Variants in TRPM1 observed in about 807,000 individuals in gnomAD.
TRPM1 encodes transient receptor potential cation channel subfamily M member 1, also known as TRPM1-203 APA Isoform, Intron 10.
TRPM1 carries 113 observed loss-of-function variants against 149.4 expected under a neutral mutation model. That is an observed-to-expected ratio of 0.76 (90% CI 0.65 to 0.88). The LOEUF is 0.88. TRPM1 is among the 40% of genes least tolerant of loss of function. The pLI, the probability that TRPM1 is intolerant of heterozygous loss-of-function variation, is 0.00. For missense variants in TRPM1, 1,976 were observed against 2,038.7 expected, an observed-to-expected ratio of 0.97 and a Z score of 0.59; for synonymous variants, 741 against 759.5, an observed-to-expected ratio of 0.98 and a Z score of 0.40.
At chr15:31,039,159 C>T (rs1383165404) in intron 18 of TRPM1, among the ~76,000 whole-genome samples, 1 of 152,012 alleles carries the variant, frequency 6.6e-6, no homozygotes, top group Non-Finnish European at 1.5e-5. Flanking sequence ...AAATGCCTTC[C>T]CTTCAGAACC....
chr15:31,135,221 C>T (rs2036072288), intron 1 of TRPM1, among the ~76,000 whole-genome samples: 1 of 152,126 alleles, frequency 6.6e-6, no homozygotes, highest in Non-Finnish European at 1.5e-5. Flanking sequence ...TATGTGCACA[C>T]ATTCTGTATC....
intron 1 of TRPM1, among the ~76,000 whole-genome samples, chr15:31,149,526 CT>C (rs770015508): frequency 1.2e-3 from 144 of 122,790 alleles, no homozygotes; most frequent in Admixed American, 1.1e-3. Context: ...CTCTCTCTCT[CT>C]TTTTTTTTTT....
intron 2 of TRPM1, among the ~76,000 whole-genome samples, chr15:31,078,923 C>T (rs945752990): frequency 1.3e-5 from 2 of 152,178 alleles, no homozygotes; most frequent in African/African-American, 4.8e-5. Context: ...CATAGGATAG[C>T]AATTCTGAAG....
rs143969953 is a variant in TRPM1, at chr15:31,007,325, G to A, written c.3630-4255C>T. Among the ~76,000 whole-genome samples, 251 of 151,900 alleles carry A rather than the reference G, an allele frequency of 1.7e-3. 10 individuals carry two copies. In the South Asian group the frequency reaches 0.039, roughly 24 times the overall value. ...TCTCTATTTGGGTAGATCTACTCCCGGACTCTTTATTCTGTTCCATTTATG... is the reference window on the plus strand; with the variant it reads ...TCTCTATTTGGGTAGATCTACTCCCAGACTCTTTATTCTGTTCCATTTATG... On this transcript the variant is annotated intron_variant, in intron 27 of 27. Transcript: ENST00000256552.
chr15:31,049,780 C>A (rs931964536), intron 12 of TRPM1, among the ~76,000 whole-genome samples: 13 of 152,216 alleles, frequency 8.5e-5, no homozygotes, highest in African/African-American at 3.1e-4. Context: ...GCCCTCCTGG[C>A]ATTGGCCTGC....
At position 31,002,057 on chromosome 15, in the gene TRPM1, G is replaced by A. The variant is rs1334221498; in HGVS notation, c.4643C>T (p.Thr1548Ile). ...TAAGTTTTCCATCCCATTTCTGTCA[G>A]TAATGGTTAGGGACAAGCGAGGGAT... The part of the protein sequence containing the change: ...PRIPRLSLTI[T>I]DRNGMENLLS... The change falls in exon 28 of 28, where the codon ACT becomes ATT. Residue 1548 changes from threonine (T) to isoleucine (I), a missense_variant. Physicochemically the swap from Thr to Ile is moderately conservative, Grantham distance 89. Coordinates refer to ENST00000256552, the MANE Select transcript of TRPM1 (RefSeq NM_001252024.2). 1 of 1,614,222 alleles carries A rather than the reference G, an allele frequency of 6.2e-7. No individual in the cohort carries two copies. Among genetic ancestry groups the A allele is most frequent in the Non-Finnish European group, 8.5e-7 (1 of 1,180,040 alleles).
Position 31,076,920 on chromosome 15 carries a change from A to C in TRPM1, c.68T>G (p.Met23Arg), listed in dbSNP as rs4779816. Residue 23 changes from methionine to arginine, a missense_variant, in exon 3 of 28, where the codon ATG becomes AGG. Around this residue, in one of 3 missense-constraint regions of TRPM1, gnomAD observed 1,332 missense variants for 1,347.1 expected, o/e 0.99. Coordinates refer to ENST00000256552, the MANE Select transcript of TRPM1 (RefSeq NM_001252024.2). Reference protein sequence around the residue: ...KRECIFVIPSMKDSNRCCCGQ... With the variant: ...KRECIFVIPSRKDSNRCCCGQ... Reference sequence around the variant, plus strand: ...TTCAATTTACCTGTTAGAGTCTTTCATGCTAGGAATTACAAAGATACATTC... The same window carrying C: ...TTCAATTTACCTGTTAGAGTCTTTCCTGCTAGGAATTACAAAGATACATTC... 5.0e-6 allele frequency: 8 copies of C among 1,608,606 alleles called. No homozygotes were observed. The highest frequency in any genetic ancestry group is 6.8e-6 in the Non-Finnish European group (8 of 1,175,114).
chr15:31,075,220 T>A (rs995437776), intron 3 of TRPM1, among the ~76,000 whole-genome samples: 5 of 152,216 alleles, frequency 3.3e-5, no homozygotes, highest in Admixed American at 3.3e-4. Context: ...AGCTTTCTAT[T>A]CCCTTGTTGG....
intron 8 of TRPM1, 118 bp downstream of exon 8, chr15:31,063,000 C>A (rs2034273533): frequency 1.4e-6 from 2 of 1,401,446 alleles, no homozygotes; most frequent in Admixed American, 3.9e-5. Context: ...GGAGATCTAG[C>A]AAATCTTCCT....
At chr15:31,057,196 T>C (rs1203566523) in intron 11 of TRPM1, among the ~76,000 whole-genome samples, 1 of 152,124 alleles carries the variant, frequency 6.6e-6, no homozygotes, top group African/African-American at 2.4e-5. Flanking sequence ...AGAGAATAGA[T>C]ATGGCTGCAG....
At chr15:31,113,900 G>T (rs1003739337) in intron 1 of TRPM1, among the ~76,000 whole-genome samples, 2 of 152,280 alleles carry the variant, frequency 1.3e-5, no homozygotes, top group South Asian at 4.2e-4. Context: ...GCTGGCTAAC[G>T]GGTGGGCAGC....
intron 1 of TRPM1, among the ~76,000 whole-genome samples, chr15:31,144,712 AT>A (rs34583108): frequency 0.064 from 6,938 of 108,150 alleles, 139 homozygotes; most frequent in Non-Finnish European, 0.084. Context: ...TGTTTTTGAG[AT>A]TTTTTTTTTT....
At chr15:31,024,313 T>C (rs2032646504) in intron 27 of TRPM1, among the ~76,000 whole-genome samples, 1 of 152,214 alleles carries the variant, frequency 6.6e-6, no homozygotes, top group Non-Finnish European at 1.5e-5. Flanking sequence ...CCCAAATAGC[T>C]ACTTTTATTT....
chr15:31,157,195 G>A (rs1198960453), intron 1 of TRPM1, among the ~76,000 whole-genome samples: 2 of 152,210 alleles, frequency 1.3e-5, no homozygotes, highest in African/African-American at 4.8e-5. Flanking sequence ...TTACAAGTGT[G>A]AGCCACCACG....
chr15:31,117,851 C>T (rs930031005), intron 1 of TRPM1, among the ~76,000 whole-genome samples: 9 of 151,992 alleles, frequency 5.9e-5, no homozygotes, highest in African/African-American at 2.2e-4. Context: ...TAGACATTAC[C>T]AAGAAAATAA....
chr15:31,033,127 C>A, intron 21 of TRPM1, 187 bp from the exon 22 acceptor site: 1 of 748,370 alleles, frequency 1.3e-6, no homozygotes, highest in Non-Finnish European at 2.2e-6. Flanking sequence ...CGGAATCCTC[C>A]CTATTCTTAG....
chr15:31,005,435 T>C (rs1004099809), intron 27 of TRPM1, among the ~76,000 whole-genome samples: 1 of 152,190 alleles, frequency 6.6e-6, no homozygotes, highest in Non-Finnish European at 1.5e-5. Flanking sequence ...GTCTCCCTTA[T>C]ACTAACTCCC....
rs574908860 is a variant in TRPM1, at chr15:31,051,043, C to T, written c.1264-461G>A. Among the ~76,000 whole-genome samples, 44 of 152,332 alleles carry T rather than the reference C, an allele frequency of 2.9e-4. 1 individual carries two copies. Among genetic ancestry groups the T allele is most frequent in the South Asian group, 2.1e-3 (10 of 4,824 alleles). On this transcript the variant is annotated intron_variant, in intron 11 of 27. Coordinates refer to ENST00000256552, the MANE Select transcript of TRPM1 (RefSeq NM_001252024.2). ...AGGGGGTACAAGACAATGGATAGAA[C>T]TGAGGATGCCTGCCTGGATGTAAAC...
At chr15:31,122,151 T>A (rs1476622412) in intron 1 of TRPM1, among the ~76,000 whole-genome samples, 3 of 152,112 alleles carry the variant, frequency 2.0e-5, no homozygotes, top group Non-Finnish European at 2.9e-5. Context: ...ATAAAAACTC[T>A]CAGCAAACTA....
Sources: gnomAD v4.1 joint callset for allele counts (sites outside exome capture counted in the v4.1 genomes callset) on GRCh38, gnomAD v4.1.1 for gene constraint, gnomAD v4.1.1 regional missense constraint, MANE v1.5 for transcripts, NCBI Gene and HGNC (gene_info 2026-07-23, HGNC 2026-07-21) for gene names.